The following EPHB1 variants were observed in gnomAD, a reference collection of about 807,000 sequenced individuals.
EPHB1 encodes EPH receptor B1.
EPHB1 carries 30 observed loss-of-function variants against 94.4 expected under a neutral mutation model. The observed-to-expected ratio is 0.32, with a 90% CI of 0.24 to 0.43. EPHB1 has a LOEUF of 0.43. Among genes scored for constraint, EPHB1 ranks in the 20% least tolerant of loss-of-function variants. EPHB1 has a pLI of 1.00. For synonymous variants in EPHB1, 522 were observed against 489.1 expected, an observed-to-expected ratio of 1.07 and a Z score of -0.89; for missense variants, 1,055 against 1,308.3, an observed-to-expected ratio of 0.81 and a Z score of 2.99.
intron 3 of EPHB1, among the ~76,000 whole-genome samples, chr3:135,009,299 A>G (rs1435710365): frequency 6.6e-6 from 1 of 152,116 alleles, no homozygotes; most frequent in Non-Finnish European, 1.5e-5. Flanking sequence ...TAATATTTTT[A>G]CTAACGTTCC....
At chr3:134,940,925 G>C (rs571616577) in intron 2 of EPHB1, among the ~76,000 whole-genome samples, 159 of 152,330 alleles carry the variant, frequency 1.0e-3, no homozygotes, top group South Asian at 4.8e-3. Flanking sequence ...TGAGATAAAT[G>C]AGCTGGGTTT....
intron 1 of EPHB1, among the ~76,000 whole-genome samples, chr3:134,922,923 G>C (rs1046992404): frequency 1.3e-5 from 2 of 152,222 alleles, no homozygotes; most frequent in African/African-American, 4.8e-5. Context: ...AGTTGCCCCT[G>C]TTTCAGGCCC....
intron 1 of EPHB1, among the ~76,000 whole-genome samples, chr3:134,850,912 C>G (rs1044645794): frequency 6.6e-6 from 1 of 152,260 alleles, no homozygotes; most frequent in Non-Finnish European, 1.5e-5. Flanking sequence ...GGGCATTCAT[C>G]TGCTTCCCCA....
chr3:135,215,082 T>C (rs1427177943), intron 12 of EPHB1, among the ~76,000 whole-genome samples: 1 of 152,198 alleles, frequency 6.6e-6, no homozygotes, highest in Non-Finnish European at 1.5e-5. Context: ...GTGTTGTGGA[T>C]GCTACCATAA....
intron 2 of EPHB1, among the ~76,000 whole-genome samples, chr3:134,929,894 G>T (rs1296418747): frequency 6.6e-6 from 1 of 152,214 alleles, no homozygotes. Flanking sequence ...CTGAGACCTA[G>T]TATGGAGAAG....
intron 1 of EPHB1, among the ~76,000 whole-genome samples, chr3:134,821,216 C>G (rs958014789): frequency 3.3e-5 from 5 of 152,156 alleles, no homozygotes; most frequent in African/African-American, 1.2e-4. Context: ...TGTGGCCCAC[C>G]CACATTAAGG....
intron 2 of EPHB1, among the ~76,000 whole-genome samples, chr3:134,937,811 A>G (rs1450554236): frequency 6.6e-6 from 1 of 152,080 alleles, no homozygotes; most frequent in East Asian, 1.9e-4. Flanking sequence ...GCCACATTCA[A>G]TCGACAGCTT....
intron 12 of EPHB1, among the ~76,000 whole-genome samples, chr3:135,225,843 G>C (rs1414206312): frequency 6.6e-6 from 1 of 151,932 alleles, no homozygotes; most frequent in Non-Finnish European, 1.5e-5. Flanking sequence ...GGCCCAAGCA[G>C]GACAGGCAGG....
At chr3:135,235,520 C>T (rs993927315) in intron 12 of EPHB1, among the ~76,000 whole-genome samples, 1 of 152,154 alleles carries the variant, frequency 6.6e-6, no homozygotes, top group Non-Finnish European at 1.5e-5. Context: ...ATTCAAATCA[C>T]CTGAAGCATC....
chr3:135,098,576 A>G (rs1331244352), intron 3 of EPHB1, among the ~76,000 whole-genome samples: 1 of 152,116 alleles, frequency 6.6e-6, no homozygotes, highest in Non-Finnish European at 1.5e-5. Flanking sequence ...TGTGATGAAC[A>G]TCAATGAACA....
chr3:134,818,946 A>G (rs1187665078), intron 1 of EPHB1, among the ~76,000 whole-genome samples: 1 of 152,190 alleles, frequency 6.6e-6, no homozygotes, highest in Non-Finnish European at 1.5e-5. Flanking sequence ...AGGTGAGCAG[A>G]GAAGATGAAC....
At chr3:135,042,386 T>G (rs1350112730) in intron 3 of EPHB1, among the ~76,000 whole-genome samples, 2 of 152,208 alleles carry the variant, frequency 1.3e-5, no homozygotes, top group African/African-American at 2.4e-5. Context: ...AGGAGACACA[T>G]GCAAACCATA....
At chr3:134,880,510 G>A (rs1175815345) in intron 1 of EPHB1, among the ~76,000 whole-genome samples, 1 of 152,190 alleles carries the variant, frequency 6.6e-6, no homozygotes, top group Non-Finnish European at 1.5e-5. Context: ...TGTGGCAGCT[G>A]CCTGTTGTCA....
intron 4 of EPHB1, among the ~76,000 whole-genome samples, chr3:135,128,068 G>C (rs541303908): frequency 9.2e-5 from 14 of 152,288 alleles, no homozygotes; most frequent in South Asian, 8.3e-4. Flanking sequence ...GCTTCAAAAA[G>C]CCTGTCTGTA....
chr3:135,114,308 T>A (rs1939586071), intron 4 of EPHB1, among the ~76,000 whole-genome samples: 1 of 151,992 alleles, frequency 6.6e-6, no homozygotes, highest in Admixed American at 6.6e-5. Flanking sequence ...AACAGTGATG[T>A]GGGGCAAGTG....
chr3:135,139,406 T>C (rs1940738737), intron 5 of EPHB1, among the ~76,000 whole-genome samples: 1 of 152,132 alleles, frequency 6.6e-6, no homozygotes, highest in South Asian at 2.1e-4. Flanking sequence ...ACACATTCTT[T>C]ATGACTGCTC....
At chr3:135,091,021 A>G (rs756489362) in intron 3 of EPHB1, among the ~76,000 whole-genome samples, 11 of 152,194 alleles carry the variant, frequency 7.2e-5, no homozygotes, top group Non-Finnish European at 1.6e-4. Context: ...GAAAATCTTA[A>G]TCTTAAATTA....
At chr3:134,822,959 G>C (rs138352105) in intron 1 of EPHB1, among the ~76,000 whole-genome samples, 78 of 152,252 alleles carry the variant, frequency 5.1e-4, no homozygotes, top group Non-Finnish European at 9.3e-4. Flanking sequence ...AAGCGGAAGT[G>C]ATTTTCCTAT....
chr3:135,027,667 A>G lies in EPHB1; in HGVS notation c.805+75615A>G, dbSNP rs536778435. 7.3e-5 allele frequency among the ~76,000 whole-genome samples: 11 copies of G among 151,580 alleles called. No individual in the cohort carries two copies. In the East Asian group the frequency reaches 2.1e-3, roughly 30 times the overall value. On this transcript the variant is annotated intron_variant, in intron 3 of 15. Transcript: ENST00000398015. ...TCAATGTTCATCAAGGATATTGGTG[A>G]TATTGGTCTAAAATTCTCTTTTTTG... is the stretch of plus-strand genomic sequence containing the variant.
Sources: allele counts gnomAD v4.1 joint callset (sites outside exome capture counted in the v4.1 genomes callset), GRCh38; gene constraint gnomAD v4.1.1; transcripts MANE v1.5; gene names NCBI Gene and HGNC (gene_info 2026-07-23, HGNC 2026-07-21).